CTNNBIP1: variants seen among roughly 807,000 people sequenced by gnomAD.
The protein encoded by CTNNBIP1 is beta-catenin-interacting protein 1.
Under a neutral mutation model 11.8 loss-of-function variants are expected in CTNNBIP1, and 7 were observed. The observed-to-expected ratio is 0.60, with a 90% confidence interval of 0.34 to 1.12. CTNNBIP1 has a LOEUF of 1.12. Ranked by LOEUF, CTNNBIP1 falls within the 50% of genes most tolerant of loss-of-function variation. The pLI is 0.03. For synonymous variants in CTNNBIP1, 58 were observed against 43.9 expected (o/e 1.32, Z -1.26); for missense variants, 101 against 113.4 (o/e 0.89, Z 0.50).
At chr1:9,891,113 C>A in intron 1 of CTNNBIP1, among the ~76,000 whole-genome samples, 1 of 140,208 alleles carries the variant, frequency 7.1e-6, no homozygotes. Context: ...AAAAGTACTT[C>A]AAGAAGAAAG....
intron 1 of CTNNBIP1, among the ~76,000 whole-genome samples, chr1:9,908,521 CCCACCA>C (rs1406379053): frequency 6.6e-6 from 1 of 150,814 alleles, no homozygotes; most frequent in Non-Finnish European, 1.5e-5. Context: ...ACTACAGGTG[CCCACCA>C]CCACGCCCAG....
chr1:9,849,832 C>G lies in CTNNBIP1; in HGVS notation c.*886G>C, dbSNP rs1357617149. 7 of 152,226 alleles carry G rather than the reference C, an allele frequency of 4.6e-5. No homozygotes were observed. Among genetic ancestry groups the G allele is most frequent in the Admixed American group, 3.9e-4 (6 of 15,274 alleles). 9.4% of individuals were successfully genotyped at this position (152,226 alleles called of 1,614,324 possible). ...ATGCAGGCAGTGCACATAAATCCCG[C>G]CTAACGGTTACCTCTAGGCCCTGGG... On this transcript the variant is annotated 3_prime_UTR_variant, in exon 6 of 6. Coordinates refer to ENST00000377263, the MANE Select transcript of CTNNBIP1 (RefSeq NM_020248.3).
intron 1 of CTNNBIP1, among the ~76,000 whole-genome samples, chr1:9,898,192 A>G (rs1639448478): frequency 6.6e-6 from 1 of 151,982 alleles, no homozygotes; most frequent in African/African-American, 2.4e-5. Context: ...AAATCTGATT[A>G]CATAAAAATC....
Position 9,872,350 on chromosome 1 carries a change from G to A in CTNNBIP1, c.-24-262C>T, listed in dbSNP as rs553483197. 1.1e-4 allele frequency among the ~76,000 whole-genome samples: 16 copies of A among 152,318 alleles called. No homozygotes were observed. Among genetic ancestry groups the A allele is most frequent in the South Asian group, 4.1e-4 (2 of 4,830 alleles). ...CTGCCTCTGTGCATGAAGCTGCTGC[G>A]TCCAGGAAAACTGAGATGACCTGGA... On this transcript the variant is annotated intron_variant, in intron 3 of 5. Transcript: ENST00000377263. The surrounding 1 kb of genome is among the most constrained non-coding windows in gnomAD (Gnocchi z 4.0).
chr1:9,882,506 A>AAG (rs1639104625), intron 2 of CTNNBIP1, among the ~76,000 whole-genome samples: 1 of 152,176 alleles, frequency 6.6e-6, no homozygotes, highest in Admixed American at 6.5e-5. Context: ...CCGAAGCAGG[A>AAG]AGAGTTGTGG....
chr1:9,889,643 C>T (rs1050673476), intron 1 of CTNNBIP1, among the ~76,000 whole-genome samples: 8 of 152,170 alleles, frequency 5.3e-5, no homozygotes, highest in Admixed American at 2.6e-4. Context: ...CTCGCATCAC[C>T]GCCCCAACAC....
At chr1:9,908,531 C>T (rs1422901931) in intron 1 of CTNNBIP1, among the ~76,000 whole-genome samples, 1 of 151,514 alleles carries the variant, frequency 6.6e-6, no homozygotes, top group Non-Finnish European at 1.5e-5. Flanking sequence ...CCCACCACCA[C>T]GCCCAGCTAA....
intron 2 of CTNNBIP1, among the ~76,000 whole-genome samples, chr1:9,881,638 C>A (rs776006263): frequency 2.0e-5 from 3 of 152,128 alleles, no homozygotes; most frequent in Non-Finnish European, 4.4e-5. Context: ...CACGCTGGGC[C>A]CCAGCCTTGA....
chr1:9,892,907 T>G (rs1224832730), intron 1 of CTNNBIP1: 3 of 152,184 alleles, frequency 2.0e-5, no homozygotes, highest in Non-Finnish European at 4.4e-5. Context: ...AGGACTCAGT[T>G]TCCTTCCTCT....
chr1:9,857,037 G>A (rs1274241734), intron 5 of CTNNBIP1, among the ~76,000 whole-genome samples: 3 of 151,226 alleles, frequency 2.0e-5, no homozygotes, highest in East Asian at 2.0e-4. Context: ...CAGGAGAATC[G>A]CTTGAACCCG....
At chr1:9,873,262 C>A (rs1278375271) in intron 3 of CTNNBIP1, among the ~76,000 whole-genome samples, 6 of 152,186 alleles carry the variant, frequency 3.9e-5, no homozygotes, top group African/African-American at 1.2e-4. Flanking sequence ...TTCTGCTAAA[C>A]CCCTACAGCC....
intron 5 of CTNNBIP1, among the ~76,000 whole-genome samples, chr1:9,853,348 C>T (rs1311189844): frequency 1.3e-5 from 2 of 152,222 alleles, no homozygotes; most frequent in African/African-American, 4.8e-5. Flanking sequence ...GAGGTCTCAC[C>T]ATGAACCTGA....
In CTNNBIP1 at chr1:9,848,860, G is replaced by A. The variant is rs901263190; in HGVS notation, c.*1858C>T. 1.3e-5 allele frequency: 2 copies of A among 152,342 alleles called. No homozygotes were observed. Among genetic ancestry groups the A allele is most frequent in the African/African-American group, 4.8e-5 (2 of 41,456 alleles). The allele number at this position is 152,342 out of a possible 1,614,324, so 9.4% of individuals were successfully genotyped here. A position where few individuals can be genotyped will look rare whatever the true frequency, so the allele number is the denominator to read the frequency against. On this transcript the variant is annotated 3_prime_UTR_variant, in exon 6 of 6. Coordinates refer to ENST00000377263, the MANE Select transcript of CTNNBIP1 (RefSeq NM_020248.3). The surrounding 1 kb of genome is among the most constrained non-coding windows in gnomAD (Gnocchi z 4.3). ...AATCCTCCTTCTGGAACAGGCTGAT[G>A]GTGCCAGAGCACAGCACGAACCACC...
At chr1:9,893,841 A>C (rs552360819) in intron 1 of CTNNBIP1, among the ~76,000 whole-genome samples, 12 of 152,336 alleles carry the variant, frequency 7.9e-5, no homozygotes, top group African/African-American at 2.4e-4. Context: ...AAGTCACTGA[A>C]GTCTGCCAGA....
At position 9,891,825 on chromosome 1, in the gene CTNNBIP1, G is replaced by A. The variant is rs1047884392; in HGVS notation, c.-143-8087C>T. On this transcript the variant is annotated intron_variant, in intron 1 of 5. Transcript: ENST00000377263. Reference sequence around the variant, plus strand: ...TTTTTTTTTTTGGAGATGGGGTCTCGCTCTTTCCCTCTGTCGCCCAGGCTG... The same window carrying A: ...TTTTTTTTTTTGGAGATGGGGTCTCACTCTTTCCCTCTGTCGCCCAGGCTG... Among the ~76,000 whole-genome samples, 14 of 116,446 alleles carry A rather than the reference G, an allele frequency of 1.2e-4. 1 individual carries two copies. The South Asian group carries it at 2.4e-3, about 20-fold the overall frequency. The allele number at this position is 116,446 out of a possible 152,430, so 76.4% of individuals were successfully genotyped here. A position where few individuals can be genotyped will look rare whatever the true frequency, so the allele number is the denominator to read the frequency against.
chr1:9,887,590 C>G (rs1183039449), intron 1 of CTNNBIP1, among the ~76,000 whole-genome samples: 2 of 151,900 alleles, frequency 1.3e-5, no homozygotes, highest in Non-Finnish European at 2.9e-5. Flanking sequence ...GTAATCCCAG[C>G]TACTCGGGAG....
In CTNNBIP1 at chr1:9,897,651, C is replaced by CA. The variant is rs1257046040; in HGVS notation, c.-144+12443dup. ...TGGGCGACAGAGCAAGACTCCGTTT[C>CA]AAAAAAAAAAAAATTAGCCAAGCGT... On this transcript the variant is annotated intron_variant, in intron 1 of 5. Coordinates refer to ENST00000377263, the MANE Select transcript of CTNNBIP1 (RefSeq NM_020248.3). Among the ~76,000 whole-genome samples, 89 of 130,670 alleles carry CA rather than the reference C, an allele frequency of 6.8e-4. No homozygotes were observed. In the Middle Eastern group the frequency reaches 0.017, roughly 24 times the overall value. The allele number at this position is 130,670 out of a possible 152,430, so 85.7% of individuals were successfully genotyped here. A position where few individuals can be genotyped will look rare whatever the true frequency, so the allele number is the denominator to read the frequency against.
chr1:9,882,827 G>A (rs963696320), intron 2 of CTNNBIP1, among the ~76,000 whole-genome samples: 1 of 152,212 alleles, frequency 6.6e-6, no homozygotes, highest in Non-Finnish European at 1.5e-5. Flanking sequence ...CCATGGAGGC[G>A]CAAAAGCAGA....
chr1:9,885,173 A>G (rs1639158985), intron 1 of CTNNBIP1, among the ~76,000 whole-genome samples: 1 of 152,176 alleles, frequency 6.6e-6, no homozygotes, highest in Non-Finnish European at 1.5e-5. Context: ...CTCGTGGCAC[A>G]GGCAGACAAC....
Sources: allele counts gnomAD v4.1 joint callset (sites outside exome capture counted in the v4.1 genomes callset), GRCh38; gene constraint gnomAD v4.1.1; non-coding constraint Gnocchi (gnomAD v3.1); transcripts MANE v1.5; gene names NCBI Gene and HGNC (gene_info 2026-07-23, HGNC 2026-07-21).